The following FOXO3 variants were observed in gnomAD, a reference collection of about 807,000 sequenced individuals.
The protein encoded by FOXO3 is forkhead box O3, also known as forkhead box protein O3.
Under a neutral mutation model 41.9 loss-of-function variants are expected in FOXO3, and 4 were observed. The ratio of observed to expected loss-of-function variants is 0.10; its 90% confidence interval spans 0.05 to 0.22. The LOEUF (loss-of-function observed/expected upper bound fraction) is 0.22, where lower values mean the gene tolerates loss of function less well. Ranked by LOEUF, FOXO3 falls within the 10% of genes least tolerant of loss-of-function variation. FOXO3 has a pLI of 1.00. For synonymous variants in FOXO3, 318 were observed against 389.3 expected (o/e 0.82, Z 2.16); for missense variants, 534 against 906.8 (o/e 0.59, Z 5.28).
At chr6:108,651,284 T>A (rs1030752138) in intron 1 of FOXO3, among the ~76,000 whole-genome samples, 2 of 152,232 alleles carry the variant, frequency 1.3e-5, no homozygotes, top group African/African-American at 4.8e-5. Flanking sequence ...CAGTGACTAT[T>A]AGGATAATTA....
intron 1 of FOXO3, among the ~76,000 whole-genome samples, chr6:108,595,923 A>G (rs1182733490): frequency 6.6e-6 from 1 of 152,196 alleles, no homozygotes; most frequent in Non-Finnish European, 1.5e-5. Flanking sequence ...AGTATAGAAT[A>G]TTTTGAGATT....
At position 108,663,837 on chromosome 6, in the gene FOXO3, A is replaced by C. The variant is rs1389934211; in HGVS notation, c.1004A>C (p.Glu335Ala). The change falls in exon 2 of 3, where the codon GAA (glutamate) becomes GCA (alanine). Residue 335 changes from glutamate to alanine, a missense_variant. Physicochemically the swap from Glu to Ala is moderately radical, Grantham distance 107. This residue lies in a region of FOXO3 where 185 missense variants were observed against 224.9 expected (regional missense o/e 0.82). Coordinates refer to ENST00000406360, the MANE Select transcript of FOXO3 (RefSeq NM_001455.4). ...ATCATGGCAAGCACAGAGTTGGATGAAGTCCAGGACGATGATGCGCCTCTC... is the reference window on the plus strand; with the variant it reads ...ATCATGGCAAGCACAGAGTTGGATGCAGTCCAGGACGATGATGCGCCTCTC... Reference protein sequence around the residue: ...SPIMASTELDEVQDDDAPLSP... With the variant: ...SPIMASTELDAVQDDDAPLSP... 6.2e-7 allele frequency: 1 copy of C among 1,613,852 alleles called. No homozygotes were observed. The highest frequency in any genetic ancestry group is 1.1e-5 in the South Asian group (1 of 91,072).
chr6:108,650,255 G>A (rs1009211139), intron 1 of FOXO3, among the ~76,000 whole-genome samples: 7 of 152,190 alleles, frequency 4.6e-5, no homozygotes, highest in Non-Finnish European at 8.8e-5. Flanking sequence ...ACAGGGACAC[G>A]TGCTGGTTGA....
chr6:108,670,394 T>C (rs1303664147), intron 2 of FOXO3, among the ~76,000 whole-genome samples: 6 of 151,734 alleles, frequency 4.0e-5, no homozygotes, highest in Non-Finnish European at 8.8e-5. Context: ...TTTTGCAAAT[T>C]AGTATTTAGA....
At chr6:108,580,037 G>T (rs1490967050) in intron 1 of FOXO3, among the ~76,000 whole-genome samples, 3 of 152,090 alleles carry the variant, frequency 2.0e-5, no homozygotes, top group Non-Finnish European at 4.4e-5. Flanking sequence ...TTCCTTCTGT[G>T]TTGGTGTGAA....
chr6:108,584,491 G>T (rs956370441), intron 1 of FOXO3, among the ~76,000 whole-genome samples: 2 of 152,182 alleles, frequency 1.3e-5, no homozygotes, highest in Non-Finnish European at 2.9e-5. Context: ...GGTGGGAGTT[G>T]TCCATCCTTT....
At chr6:108,637,661 C>T (rs900075126) in intron 1 of FOXO3, among the ~76,000 whole-genome samples, 7 of 152,074 alleles carry the variant, frequency 4.6e-5, no homozygotes, top group African/African-American at 1.4e-4. Flanking sequence ...GTCTTTCCCC[C>T]GGATGTTTTC....
intron 1 of FOXO3, among the ~76,000 whole-genome samples, chr6:108,621,424 C>G (rs1203926445): frequency 6.6e-6 from 1 of 152,156 alleles, no homozygotes; most frequent in Non-Finnish European, 1.5e-5. Flanking sequence ...GAGCACAGTT[C>G]AAAATCCAAT....
chr6:108,653,438 G>A (rs906387931), intron 1 of FOXO3, among the ~76,000 whole-genome samples: 1 of 152,158 alleles, frequency 6.6e-6, no homozygotes, highest in African/African-American at 2.4e-5. Context: ...CTCTTTCTGG[G>A]TGGTGGGTTA....
chr6:108,663,904 A>C lies in FOXO3; in HGVS notation c.1071A>C (p.Ser357=). ...GCAGCTCAGCCAGCCTGTCACCTTC[A>C]GTAAGCAAGCCGTGCACGGTGGAAC... ...LYSSSASLSP[S]VSKPCTVELP... is the part of the protein sequence containing the mutation. The change falls in exon 2 of 3, where the codon TCA becomes TCC. Residue 357 remains serine, a synonymous_variant. Transcript: ENST00000406360. The C allele has an allele frequency of 6.2e-7, 1 of 1,614,186 alleles. No homozygotes were observed.
intron 1 of FOXO3, among the ~76,000 whole-genome samples, chr6:108,655,942 G>A (rs1329038153): frequency 1.3e-5 from 2 of 152,178 alleles, no homozygotes; most frequent in East Asian, 3.9e-4. Context: ...TGAAATGCTG[G>A]TCCTGTACAC....
chr6:108,647,776 G>A (rs1042174097), intron 1 of FOXO3, among the ~76,000 whole-genome samples: 1 of 152,176 alleles, frequency 6.6e-6, no homozygotes, highest in Non-Finnish European at 1.5e-5. Context: ...CAAAACTGTG[G>A]CAAATGAGAT....
chr6:108,590,123 G>A (rs1776694286), intron 1 of FOXO3, among the ~76,000 whole-genome samples: 2 of 151,956 alleles, frequency 1.3e-5, no homozygotes, highest in Non-Finnish European at 2.9e-5. Context: ...TCATTAATAG[G>A]ATTTAATTTA....
intron 1 of FOXO3, among the ~76,000 whole-genome samples, chr6:108,653,850 C>T (rs1778612615): frequency 1.3e-5 from 2 of 152,318 alleles, no homozygotes; most frequent in South Asian, 4.1e-4. Flanking sequence ...GCTTTTATAA[C>T]TTCATGCCTG....
intron 1 of FOXO3, among the ~76,000 whole-genome samples, chr6:108,660,947 C>G (rs1778827502): frequency 1.3e-5 from 2 of 152,104 alleles, no homozygotes; most frequent in Non-Finnish European, 2.9e-5. Flanking sequence ...GTAGTCCTAG[C>G]TACTCGGGAG....
chr6:108,587,797 C>T (rs1485995272), intron 1 of FOXO3, among the ~76,000 whole-genome samples: 2 of 152,194 alleles, frequency 1.3e-5, no homozygotes, highest in African/African-American at 4.8e-5. Context: ...GGTTCTGGAA[C>T]CTGGAACTTT....
chr6:108,572,350 A>G lies in FOXO3; in HGVS notation c.621+10521A>G, dbSNP rs1363829280. On this transcript the variant is annotated intron_variant, in intron 1 of 2. Coordinates refer to ENST00000406360, the MANE Select transcript of FOXO3 (RefSeq NM_001455.4). ...TGCCATCAGTGATGGTAGTAAGGCT[A>G]ATCCAAATCTCTCTGGAGTCCCCTC... Among the ~76,000 whole-genome samples the G allele has an allele frequency of 4.6e-5, 7 of 152,338 alleles. No homozygotes were observed. In the South Asian group the frequency reaches 8.3e-4, roughly 18 times the overall value.
chr6:108,590,230 C>T (rs1167861194), intron 1 of FOXO3, among the ~76,000 whole-genome samples: 1 of 151,580 alleles, frequency 6.6e-6, no homozygotes, highest in Non-Finnish European at 1.5e-5. Flanking sequence ...CTCAAAGGAT[C>T]CTGCCACCTC....
chr6:108,667,462 T>C (rs978169786), intron 2 of FOXO3, among the ~76,000 whole-genome samples: 2 of 152,262 alleles, frequency 1.3e-5, no homozygotes, highest in African/African-American at 4.8e-5. Context: ...AGGAGGCCAC[T>C]TTCTAGTTCG....
Sources: gnomAD v4.1 joint callset for allele counts (sites outside exome capture counted in the v4.1 genomes callset) on GRCh38, gnomAD v4.1.1 for gene constraint, gnomAD v4.1.1 regional missense constraint, MANE v1.5 for transcripts, NCBI Gene and HGNC (gene_info 2026-07-23, HGNC 2026-07-21) for gene names.